The following PSMB9 variants were observed in gnomAD, a reference collection of about 807,000 sequenced individuals.
PSMB9 encodes the protein proteasome subunit beta type-9.
A neutral mutation model predicts 26.9 loss-of-function variants in PSMB9; 16 were observed. The observed-to-expected ratio is 0.59, with a 90% CI of 0.40 to 0.90. PSMB9 has a LOEUF of 0.90. Ranked by LOEUF, PSMB9 falls within the 40% of genes least tolerant of loss-of-function variation. PSMB9 has a pLI of 0.00. For missense variants in PSMB9, 253 were observed against 292.2 expected, an observed-to-expected ratio of 0.87 and a Z score of 0.98; for synonymous variants, 91 against 112.0, an observed-to-expected ratio of 0.81 and a Z score of 1.18.
At chr6:32,856,315 G>GA in intron 2 of PSMB9, 110 bp downstream of exon 2, 1 of 1,118,930 alleles carries the variant, frequency 8.9e-7, no homozygotes, top group Non-Finnish European at 1.3e-6. Flanking sequence ...TGGAGGAATG[G>GA]AGTTGACCTT....
At chr6:32,857,890 A>T in intron 3 of PSMB9, 115 bp from the exon 4 acceptor site, 1 of 1,228,158 alleles carries the variant, frequency 8.1e-7, no homozygotes, top group South Asian at 1.4e-5. Flanking sequence ...GGGAGGCTGC[A>T]GTTTGAGCTA....
chr6:32,859,565 A>G lies in PSMB9; in HGVS notation c.*33A>G. 6.2e-7 allele frequency: 1 copy of G among 1,606,528 alleles called. No homozygotes were observed. The highest frequency in any genetic ancestry group is 8.5e-7 in the Non-Finnish European group (1 of 1,176,074). On this transcript the variant is annotated 3_prime_UTR_variant, in exon 6 of 6. Transcript: ENST00000374859. ...CCAGACTTCTCTTTCTTATTTTGTAATAAACTCTCTAGGGCCAAAACCTGG... is the reference window on the plus strand; with the variant it reads ...CCAGACTTCTCTTTCTTATTTTGTAGTAAACTCTCTAGGGCCAAAACCTGG...
chr6:32,856,203 AGG>A lies in PSMB9; in HGVS notation c.128_128+1del. ...VMGSDSRVSA[G>X]EAVVNRVFDK... ...TGGGTTCTGATTCCCGAGTGTCTGCAGGGTGAGTAAAAGTGAAGATGTATGCA... is the reference window on the plus strand; with the variant it reads ...TGGGTTCTGATTCCCGAGTGTCTGCAGTGAGTAAAAGTGAAGATGTATGCA... On this transcript the variant is annotated frameshift_variant and splice_region_variant, in exon 2 of 6. Coordinates refer to ENST00000374859, the MANE Select transcript of PSMB9 (RefSeq NM_002800.5). LOFTEE classifies it high-confidence loss of function. 2 of 1,612,314 alleles carry A rather than the reference AGG, an allele frequency of 1.2e-6. No individual in the cohort carries two copies. The highest frequency in any genetic ancestry group is 1.7e-6 in the Non-Finnish European group (2 of 1,179,362).
intron 3 of PSMB9, 45 bp downstream of exon 3, chr6:32,857,439 C>T (rs779056023): frequency 8.8e-6 from 14 of 1,591,696 alleles, no homozygotes; most frequent in Admixed American, 3.5e-5. Flanking sequence ...TAGAGCTCCC[C>T]CAACCTGCAT....
In PSMB9 at chr6:32,857,213, A is replaced by T. The variant is rs746013644; in HGVS notation, c.129-50A>T. On this transcript the variant is annotated intron_variant, in intron 2 of 5. Coordinates refer to ENST00000374859, the MANE Select transcript of PSMB9 (RefSeq NM_002800.5). ...GAGACTGTCTCAAAAAAAAAAAAAA[A>T]AAAAAAAACCTGAGTTTTAACTTGG... 1,692 of 1,516,974 alleles carry T rather than the reference A, an allele frequency of 1.1e-3. 20 individuals are homozygous for T. In the African/African-American group the frequency reaches 0.022, roughly 19 times the overall value. The allele number at this position is 1,516,974 out of a possible 1,614,324, so 94.0% of individuals were successfully genotyped here. A position where few individuals can be genotyped will look rare whatever the true frequency, so the allele number is the denominator to read the frequency against.
At position 32,857,326 on chromosome 6, in the gene PSMB9, ACT is replaced by A. The variant is rs761124301; in HGVS notation, c.197_198del (p.Ser66TrpfsTer5). On this transcript the variant is annotated frameshift_variant, in exon 3 of 6. Transcript: ENST00000374859. LOFTEE classifies it high-confidence loss of function. ...SPLHERIYCALSGSAADAQAV... is the reference protein window; with the variant it reads ...SPLHERIYCAXSGSAADAQAV... ...CGCTGCACGAGCGCATCTACTGTGC[ACT>A]CTCTGGTTCAGCTGCTGATGCCCAA... 1.2e-6 allele frequency: 2 copies of A among 1,612,508 alleles called. No homozygotes were observed. The highest frequency in any genetic ancestry group is 1.1e-5 in the South Asian group (1 of 91,060).
intron 2 of PSMB9, chr6:32,856,784 C>T (rs1771179163): frequency 6.4e-6 from 1 of 156,034 alleles, no homozygotes; most frequent in African/African-American, 2.4e-5. Flanking sequence ...TTTTGATTAA[C>T]ATCTGCAGTG....
At position 32,858,038 on chromosome 6, in the gene PSMB9, T is replaced by G; in HGVS notation, c.294T>G (p.Ala98=). Residue 98 remains alanine, a synonymous_variant, in exon 4 of 6, where the codon GCT becomes GCG. Coordinates refer to ENST00000374859, the MANE Select transcript of PSMB9 (RefSeq NM_002800.5). This position sits in a 1 kb window ranked among gnomAD's most constrained non-coding sequence, Gnocchi z 5.2. ...IELEEPPLVL[A]AANVVRNISY... is the part of the protein sequence containing the mutation. ...TGGAGGAACCTCCACTTGTTTTGGCTGCTGCAAATGTGGTGAGAAATATCA... is the reference window on the plus strand; with the variant it reads ...TGGAGGAACCTCCACTTGTTTTGGCGGCTGCAAATGTGGTGAGAAATATCA... The G allele has an allele frequency of 6.2e-7, 1 of 1,613,124 alleles. No individual in the cohort carries two copies. The highest frequency in any genetic ancestry group is 8.5e-7 in the Non-Finnish European group (1 of 1,180,038).
chr6:32,859,294 T>G, intron 5 of PSMB9, 111 bp from the exon 6 acceptor site: 1,158 of 1,307,634 alleles, frequency 8.9e-4, no homozygotes, highest in Non-Finnish European at 1.1e-3. Context: ...TCCTGGAAGA[T>G]GAGTTTTGAG....
intron 1 of PSMB9, among the ~76,000 whole-genome samples, chr6:32,855,701 A>T (rs1157182447): frequency 6.6e-6 from 1 of 152,058 alleles, no homozygotes; most frequent in Admixed American, 6.5e-5. Context: ...ACCAAAAAAA[A>T]AAAAATAGAC....
chr6:32,857,101 G>C (rs753901502), intron 2 of PSMB9, 162 bp from the exon 3 acceptor site: 75 of 645,542 alleles, frequency 1.2e-4, no homozygotes, highest in Non-Finnish European at 1.7e-4. Flanking sequence ...TCGGGAGGCT[G>C]AGGCAGGAGA....
chr6:32,856,097 G>C (rs1398739379), intron 1 of PSMB9, 41 bp from the exon 2 acceptor site: 7 of 1,560,948 alleles, frequency 4.5e-6, no homozygotes, highest in African/African-American at 1.4e-5. Context: ...GGGCATCAAG[G>C]CTGTTCTTGC....
intron 5 of PSMB9, 49 bp from the exon 6 acceptor site, chr6:32,859,356 A>C: frequency 6.5e-7 from 1 of 1,546,022 alleles, no homozygotes; most frequent in South Asian, 1.2e-5. Context: ...AGATTTTTGA[A>C]GCTAAGCCAT....
chr6:32,854,262 AC>A lies in PSMB9; in HGVS notation c.37del (p.Arg13GlyfsTer21), dbSNP rs1189376579. On this transcript the variant is annotated frameshift_variant, in exon 1 of 6. Coordinates refer to ENST00000374859, the MANE Select transcript of PSMB9 (RefSeq NM_002800.5). LOFTEE classifies it high-confidence loss of function. This position sits in a 1 kb window ranked among gnomAD's most constrained non-coding sequence, Gnocchi z 4.6. The stretch of plus-strand genomic sequence containing the variant: ...GGGCGGGAGCACCAACCGGGGACTT[AC>A]CCCGGGCGGGAGAAGTCCACACCGG... ...LRAGAPTGDL[P>X]RAGEVHTGTT... 1 of 1,526,088 alleles carries A rather than the reference AC, an allele frequency of 6.6e-7. No homozygotes were observed. The highest frequency in any genetic ancestry group is 1.9e-4 in the Middle Eastern group (1 of 5,324). The allele number at this position is 1,526,088 out of a possible 1,614,324, so 94.5% of individuals were successfully genotyped here.
intron 2 of PSMB9, 132 bp from the exon 3 acceptor site, chr6:32,857,131 C>T (rs1220081913): frequency 3.0e-6 from 3 of 993,808 alleles, no homozygotes; most frequent in Non-Finnish European, 2.7e-6. Context: ...ACCAGGGAGG[C>T]GAAGTTTGCA....
chr6:32,859,262 C>T, intron 5 of PSMB9, 143 bp from the exon 6 acceptor site: 1 of 1,076,206 alleles, frequency 9.3e-7, no homozygotes, highest in Non-Finnish European at 1.3e-6. Context: ...ACTGATTTAC[C>T]AGCACACCAC....
chr6:32,855,797 A>G (rs1178430144), intron 1 of PSMB9, among the ~76,000 whole-genome samples: 1 of 152,072 alleles, frequency 6.6e-6, no homozygotes, highest in Non-Finnish European at 1.5e-5. Context: ...TCCGTTGGAG[A>G]TAATTTTCAC....
intron 5 of PSMB9, among the ~76,000 whole-genome samples, 196 bp from the exon 6 acceptor site, chr6:32,859,209 G>A (rs756903636): frequency 6.6e-6 from 1 of 152,140 alleles, no homozygotes; most frequent in African/African-American, 2.4e-5. Context: ...TTTACACCAC[G>A]GACATCAGCA....
At chr6:32,856,027 G>A in intron 1 of PSMB9, 111 bp from the exon 2 acceptor site, 2 of 929,324 alleles carry the variant, frequency 2.2e-6, no homozygotes, top group Non-Finnish European at 3.4e-6. Flanking sequence ...GCCTGTTACT[G>A]TGTAATCTTT....
Sources: gnomAD v4.1 joint callset for allele counts (sites outside exome capture counted in the v4.1 genomes callset) on GRCh38, gnomAD v4.1.1 for gene constraint, Gnocchi (gnomAD v3.1) non-coding constraint, MANE v1.5 for transcripts, NCBI Gene and HGNC (gene_info 2026-07-23, HGNC 2026-07-21) for gene names.